Variants in FHIT observed in about 807,000 individuals in gnomAD.
FHIT encodes fragile histidine triad diadenosine triphosphatase.
FHIT carries 19 observed loss-of-function variants against 17.9 expected under a neutral mutation model. The ratio of observed to expected loss-of-function variants is 1.06; its 90% CI spans 0.74 to 1.56. The LOEUF (loss-of-function observed/expected upper bound fraction) is 1.56. Among genes scored for constraint, FHIT ranks in the 40% most tolerant of loss-of-function variants. The pLI is 0.00. For missense variants in FHIT, 248 were observed against 189.2 expected (o/e 1.31, Z -1.82); for synonymous variants, 81 against 69.7 (o/e 1.16, Z -0.81).
At chr3:59,923,526 T>C (rs1206250225) in intron 7 of FHIT, among the ~76,000 whole-genome samples, 1 of 152,188 alleles carries the variant, frequency 6.6e-6, no homozygotes, top group African/African-American at 2.4e-5. Context: ...TAATTCAATA[T>C]ATTCTTCAAA....
At position 60,710,452 on chromosome 3, in the gene FHIT, GCT is replaced by G. The variant is rs1489888736; in HGVS notation, c.-18+111465_-18+111466del. On this transcript the variant is annotated intron_variant, in intron 4 of 9. Coordinates refer to ENST00000492590, the MANE Select transcript of FHIT (RefSeq NM_002012.4). ...AGTGGGTGCAGTGCACCGTGCACCA[GCT>G]GAAGCAGGGCAAGGCATTGCCTCAC... Among the ~76,000 whole-genome samples the G allele has an allele frequency of 2.6e-5, 4 of 152,362 alleles. No homozygotes were observed. In the East Asian group the frequency reaches 5.8e-4, roughly 22 times the overall value.
At position 60,095,794 on chromosome 3, in the gene FHIT, C is replaced by G. The variant is rs58172596; in HGVS notation, c.104-81642G>C. Reference sequence around the variant, plus strand: ...AAAAGGACCATTCTAGTTGGCCTATCTGGTACAACCACCTTGTTTAAAAGA... The same window carrying G: ...AAAAGGACCATTCTAGTTGGCCTATGTGGTACAACCACCTTGTTTAAAAGA... On this transcript the variant is annotated intron_variant, in intron 5 of 9. Transcript: ENST00000492590. 3.4e-3 allele frequency among the ~76,000 whole-genome samples: 514 copies of G among 152,322 alleles called. 3 individuals are homozygous for G. The highest frequency in any genetic ancestry group is 0.012 in the African/African-American group (484 of 41,578).
chr3:60,675,338 A>C (rs1266554208), intron 4 of FHIT, among the ~76,000 whole-genome samples: 1 of 152,200 alleles, frequency 6.6e-6, no homozygotes, highest in Admixed American at 6.5e-5. Context: ...ATGAAAAATA[A>C]TTATCAAGTG....
At chr3:60,479,790 T>A (rs2033522795) in intron 5 of FHIT, among the ~76,000 whole-genome samples, 2 of 152,168 alleles carry the variant, frequency 1.3e-5, no homozygotes, top group South Asian at 4.1e-4. Flanking sequence ...ATGCTCCTTA[T>A]GAGAATCTAA....
chr3:60,855,236 G>C (rs116156491), intron 3 of FHIT, among the ~76,000 whole-genome samples: 2,410 of 152,178 alleles, frequency 0.016, 82 homozygotes, highest in African/African-American at 0.055. Flanking sequence ...CAATCATGGC[G>C]ATACTATGTT....
Position 59,943,896 on chromosome 3 carries a change from A to C in FHIT, c.280-21482T>G, listed in dbSNP as rs1023582118. On this transcript the variant is annotated intron_variant, in intron 7 of 9. Transcript: ENST00000492590. ...ACTGCTACCTGGAGCAAATTACTTC[A>C]TATCTCCAGATTCCAGTTTCCTCAT... is the stretch of plus-strand genomic sequence containing the variant. Among the ~76,000 whole-genome samples, 4 of 152,196 alleles carry C rather than the reference A, an allele frequency of 2.6e-5. No homozygotes were observed. In the East Asian group the frequency reaches 7.7e-4, roughly 29 times the overall value.
chr3:60,612,407 T>C (rs2038813274), intron 4 of FHIT, among the ~76,000 whole-genome samples: 1 of 152,170 alleles, frequency 6.6e-6, no homozygotes, highest in Admixed American at 6.5e-5. Flanking sequence ...ACCAACTAGA[T>C]TACTCCACAA....
At chr3:60,151,952 G>C (rs1048035225) in intron 5 of FHIT, among the ~76,000 whole-genome samples, 3 of 152,090 alleles carry the variant, frequency 2.0e-5, no homozygotes, top group African/African-American at 7.2e-5. Flanking sequence ...TAATCCCTAT[G>C]GGCACAAGTA....
At chr3:60,737,080 G>T (rs1357329911) in intron 4 of FHIT, among the ~76,000 whole-genome samples, 1 of 152,146 alleles carries the variant, frequency 6.6e-6, no homozygotes, top group Non-Finnish European at 1.5e-5. Flanking sequence ...ATACATAAAA[G>T]CTATTCGGAG....
At chr3:59,878,842 C>A (rs1489778753) in intron 8 of FHIT, among the ~76,000 whole-genome samples, 5 of 152,114 alleles carry the variant, frequency 3.3e-5, no homozygotes. Context: ...ACACCCAAAC[C>A]CCATCCCCAT....
intron 2 of FHIT, among the ~76,000 whole-genome samples, chr3:61,176,975 A>C (rs1261954138): frequency 6.6e-6 from 1 of 152,182 alleles, no homozygotes; most frequent in Non-Finnish European, 1.5e-5. Flanking sequence ...GGAGATCGAG[A>C]CCATCCTGGC....
intron 5 of FHIT, among the ~76,000 whole-genome samples, chr3:60,210,769 A>T (rs1213602560): frequency 6.6e-6 from 1 of 152,120 alleles, no homozygotes; most frequent in African/African-American, 2.4e-5. Context: ...AGACTTAGGG[A>T]ACTAGGAATT....
chr3:61,213,035 C>T (rs1014045811), intron 1 of FHIT, among the ~76,000 whole-genome samples: 2 of 152,188 alleles, frequency 1.3e-5, no homozygotes, highest in South Asian at 2.1e-4. Flanking sequence ...CAACCAGTAC[C>T]AGCCACTGCA....
chr3:60,935,883 C>G (rs1286554177), intron 3 of FHIT, among the ~76,000 whole-genome samples: 1 of 152,192 alleles, frequency 6.6e-6, no homozygotes, highest in Non-Finnish European at 1.5e-5. Flanking sequence ...TATGCACTGC[C>G]CTGACAGCTT....
At chr3:60,624,514 G>C (rs1007192992) in intron 4 of FHIT, among the ~76,000 whole-genome samples, 1 of 152,074 alleles carries the variant, frequency 6.6e-6, no homozygotes, top group Non-Finnish European at 1.5e-5. Flanking sequence ...ACATGAATGA[G>C]AATAGGAATG....
chr3:59,951,380 T>C (rs1707108064), intron 7 of FHIT, among the ~76,000 whole-genome samples: 1 of 152,208 alleles, frequency 6.6e-6, no homozygotes, highest in South Asian at 2.1e-4. Context: ...TCATCTGAGT[T>C]GACAACTTTC....
At chr3:60,769,835 T>A (rs115682659) in intron 4 of FHIT, among the ~76,000 whole-genome samples, 1 of 152,200 alleles carries the variant, frequency 6.6e-6, no homozygotes, top group African/African-American at 2.4e-5. Flanking sequence ...TTACAGTTCA[T>A]CCACAAAGAC....
intron 5 of FHIT, among the ~76,000 whole-genome samples, chr3:60,420,259 A>T (rs1362925486): frequency 2.0e-5 from 3 of 152,204 alleles, no homozygotes; most frequent in Admixed American, 6.5e-5. Flanking sequence ...GCAATCATCC[A>T]TAGCAGATAT....
intron 3 of FHIT, among the ~76,000 whole-genome samples, chr3:60,887,999 A>C (rs2107158944): frequency 6.6e-6 from 1 of 152,332 alleles, no homozygotes; most frequent in East Asian, 1.9e-4. Context: ...GGATAGGGAA[A>C]AGTGTAATCC....
Sources: gnomAD v4.1 joint callset for allele counts (sites outside exome capture counted in the v4.1 genomes callset) on GRCh38, gnomAD v4.1.1 for gene constraint, MANE v1.5 for transcripts, NCBI Gene and HGNC (gene_info 2026-07-23, HGNC 2026-07-21) for gene names.